Variants in STAC observed in about 807,000 individuals in gnomAD.
STAC encodes the protein SH3 and cysteine-rich domain-containing protein.
Under a neutral mutation model 48.8 loss-of-function variants are expected in STAC, and 43 were observed. That is an observed-to-expected ratio of 0.88 (90% confidence interval 0.69 to 1.14). The LOEUF (loss-of-function observed/expected upper bound fraction) is 1.14. Among genes scored for constraint, STAC ranks in the 50% most tolerant of loss-of-function variants. The pLI is 0.00. For missense variants in STAC, 497 were observed against 504.0 expected (o/e 0.99, Z 0.13); for synonymous variants, 193 against 179.5 (o/e 1.07, Z -0.60).
chr3:36,446,000 G>A (rs936154), intron 2 of STAC, among the ~76,000 whole-genome samples: 117,472 of 152,158 alleles, frequency 0.77, 46,167 homozygotes, highest in African/African-American at 0.92. Flanking sequence ...CTTGCCATAA[G>A]ATCCCTGATC....
chr3:36,533,001 G>A (rs1212357774), intron 10 of STAC, among the ~76,000 whole-genome samples: 1 of 152,106 alleles, frequency 6.6e-6, no homozygotes, highest in Non-Finnish European at 1.5e-5. Context: ...TATGTGTCTT[G>A]CTCAAGGGGC....
Position 36,443,254 on chromosome 3 carries a change from G to C in STAC, c.112-110G>C, listed in dbSNP as rs9865125. The stretch of plus-strand genomic sequence containing the variant: ...GGACATTTATGAGCCTCCTCAAGAC[G>C]GAGGGTGTCAGTGGGGACTGTGTAG... On this transcript the variant is annotated intron_variant, in intron 1 of 10. Transcript: ENST00000273183. This position sits in a 1 kb window ranked among gnomAD's most constrained non-coding sequence, Gnocchi z 4.2. The C allele has an allele frequency of 7.7e-6, 10 of 1,306,236 alleles. No homozygotes were observed. The highest frequency in any genetic ancestry group is 1.5e-5 in the African/African-American group (1 of 68,220). 80.9% of individuals were successfully genotyped at this position (1,306,236 alleles called of 1,614,324 possible). A position where few individuals can be genotyped will look rare whatever the true frequency, so the allele number is the denominator to read the frequency against.
intron 1 of STAC, among the ~76,000 whole-genome samples, chr3:36,396,265 G>T (rs1417682681): frequency 6.6e-6 from 1 of 151,914 alleles, no homozygotes; most frequent in Non-Finnish European, 1.5e-5. Context: ...TTATAAATTG[G>T]ATCTCTGTTT....
intron 1 of STAC, among the ~76,000 whole-genome samples, chr3:36,400,570 C>A (rs758221399): frequency 7.9e-5 from 12 of 152,170 alleles, no homozygotes; most frequent in Non-Finnish European, 1.8e-4. Context: ...TGTTATAGAG[C>A]AGTTGGCTGC....
chr3:36,449,947 T>G (rs1276836642), intron 2 of STAC, among the ~76,000 whole-genome samples: 1 of 152,224 alleles, frequency 6.6e-6, no homozygotes, highest in Non-Finnish European at 1.5e-5. Context: ...CCTAATAGTA[T>G]TTTCTGGGCC....
In STAC at chr3:36,486,162, CGA is replaced by C. The variant is rs1323026441; in HGVS notation, c.603_604del (p.Glu201AspfsTer22). The C allele has an allele frequency of 1.2e-6, 2 of 1,613,796 alleles. No individual in the cohort carries two copies. Among genetic ancestry groups the C allele is most frequent in the Non-Finnish European group, 1.7e-6 (2 of 1,179,896 alleles). ...ACGNKVDPVY[E>X]TLRFGTSLAQ... is the part of the protein sequence containing the mutation. ...GTGGCAATAAGGTGGACCCTGTCTA[CGA>C]GACCCTCCGCTTCGGCACCTCCCTG... On this transcript the variant is annotated frameshift_variant, in exon 5 of 11. Coordinates refer to ENST00000273183, the MANE Select transcript of STAC (RefSeq NM_003149.3). LOFTEE classifies it high-confidence loss of function.
intron 8 of STAC, among the ~76,000 whole-genome samples, chr3:36,508,810 CTT>C (rs765588722): frequency 5.3e-5 from 8 of 152,074 alleles, no homozygotes; most frequent in Admixed American, 2.0e-4. Context: ...CTATGTGTGT[CTT>C]TGCACATGAG....
At chr3:36,435,018 G>C (rs1330927156) in intron 1 of STAC, among the ~76,000 whole-genome samples, 2 of 152,206 alleles carry the variant, frequency 1.3e-5, no homozygotes, top group Non-Finnish European at 2.9e-5. Context: ...TGGAGACAGA[G>C]AGATCTGTAT....
At chr3:36,437,100 G>A (rs1195245639) in intron 1 of STAC, among the ~76,000 whole-genome samples, 3 of 152,084 alleles carry the variant, frequency 2.0e-5, no homozygotes, top group Admixed American at 2.0e-4. Flanking sequence ...CAGTGAGAAT[G>A]GCGATCATTA....
chr3:36,538,937 AG>A (rs1408613090), intron 10 of STAC, among the ~76,000 whole-genome samples: 1 of 152,170 alleles, frequency 6.6e-6, no homozygotes, highest in African/African-American at 2.4e-5. Flanking sequence ...CTCTTTCTCC[AG>A]GAGCTTAATC....
In STAC at chr3:36,486,166, A is replaced by G. The variant is rs1354956485; in HGVS notation, c.604A>G (p.Thr202Ala). ...CGNKVDPVYE[T>A]LRFGTSLAQR... ...CAATAAGGTGGACCCTGTCTACGAG[A>G]CCCTCCGCTTCGGCACCTCCCTGGC... The change falls in exon 5 of 11, where the codon ACC becomes GCC. Residue 202 changes from threonine to alanine, a missense_variant. Thr to Ala is a moderately conservative substitution (Grantham distance 58). Transcript: ENST00000273183. 6.2e-7 allele frequency: 1 copy of G among 1,613,624 alleles called. No homozygotes were observed. Among genetic ancestry groups the G allele is most frequent in the South Asian group, 1.1e-5 (1 of 91,008 alleles).
intron 1 of STAC, among the ~76,000 whole-genome samples, chr3:36,398,356 AAAGAAAG>A (rs1278175930): frequency 6.5e-5 from 9 of 139,394 alleles, no homozygotes; most frequent in African/African-American, 1.6e-4. Flanking sequence ...AGAAAGAAAG[AAAGAAAG>A]AAAGAAAAGA....
At chr3:36,512,783 C>CTTTTTTTTTTTTTTTT (rs901936471) in intron 8 of STAC, among the ~76,000 whole-genome samples, 31 of 152,000 alleles carry the variant, frequency 2.0e-4, no homozygotes, top group African/African-American at 7.2e-4. Context: ...ATCACACATA[C>CTTTTTTTTTTTTTTTT]TTTTTTTTAT....
chr3:36,541,452 T>G (rs563804744), intron 10 of STAC, among the ~76,000 whole-genome samples: 2 of 152,202 alleles, frequency 1.3e-5, no homozygotes, highest in South Asian at 4.1e-4. Context: ...CAGTGAGTGA[T>G]TGATGCAGAA....
intron 2 of STAC, among the ~76,000 whole-genome samples, chr3:36,447,838 A>G (rs1696553423): frequency 6.6e-6 from 1 of 152,202 alleles, no homozygotes; most frequent in African/African-American, 2.4e-5. Context: ...TCTGTCCATC[A>G]TTTAATTGAA....
intron 10 of STAC, among the ~76,000 whole-genome samples, chr3:36,534,349 A>G (rs1216002643): frequency 1.3e-5 from 2 of 152,202 alleles, no homozygotes; most frequent in African/African-American, 4.8e-5. Flanking sequence ...CGTTATCACT[A>G]AAGAGTAAAG....
Position 36,443,330 on chromosome 3 carries a change from T to C in STAC, c.112-34T>C, listed in dbSNP as rs368937815. 5 of 1,612,436 alleles carry C rather than the reference T, an allele frequency of 3.1e-6. No homozygotes were observed. The highest frequency in any genetic ancestry group is 4.2e-6 in the Non-Finnish European group (5 of 1,179,450). ...AGCCTAGGTCTGCTTGATCCATTGATCGTAAGAGAGACTGTTCTGTCATTG... is the reference window on the plus strand; with the variant it reads ...AGCCTAGGTCTGCTTGATCCATTGACCGTAAGAGAGACTGTTCTGTCATTG... On this transcript the variant is annotated intron_variant, in intron 1 of 10. Coordinates refer to ENST00000273183, the MANE Select transcript of STAC (RefSeq NM_003149.3). This position sits in a 1 kb window ranked among gnomAD's most constrained non-coding sequence, Gnocchi z 4.2.
At chr3:36,527,889 C>T (rs1476734804) in intron 8 of STAC, among the ~76,000 whole-genome samples, 2 of 151,954 alleles carry the variant, frequency 1.3e-5, no homozygotes, top group Non-Finnish European at 2.9e-5. Context: ...TCCAATTACA[C>T]CAGCATAAAA....
At chr3:36,496,851 T>C (rs966432095) in intron 6 of STAC, among the ~76,000 whole-genome samples, 2 of 152,188 alleles carry the variant, frequency 1.3e-5, no homozygotes, top group Non-Finnish European at 2.9e-5. Context: ...CCTTCAGTAA[T>C]TGCATTTCAG....
Sources: gnomAD v4.1 joint callset for allele counts (sites outside exome capture counted in the v4.1 genomes callset) on GRCh38, gnomAD v4.1.1 for gene constraint, Gnocchi (gnomAD v3.1) non-coding constraint, MANE v1.5 for transcripts, NCBI Gene and HGNC (gene_info 2026-07-23, HGNC 2026-07-21) for gene names.